The following COL15A1 variants were observed in gnomAD, a reference collection of about 807,000 sequenced individuals.
COL15A1 encodes collagen alpha-1(XV) chain.
In COL15A1, 111 loss-of-function variants were observed where a neutral mutation model predicts 165.9. The ratio of observed to expected loss-of-function variants is 0.67; its 90% CI spans 0.57 to 0.78. COL15A1 has a LOEUF of 0.78. COL15A1 is among the 30% of genes least tolerant of loss of function. The pLI is 0.00. For missense variants in COL15A1, 1,745 were observed against 1,789.7 expected (o/e 0.98, Z 0.45); for synonymous variants, 659 against 674.8 (o/e 0.98, Z 0.36).
chr9:99,013,395 C>T (rs1838876773), intron 9 of COL15A1, among the ~76,000 whole-genome samples: 1 of 152,132 alleles, frequency 6.6e-6, no homozygotes, highest in South Asian at 2.1e-4. Flanking sequence ...AACTCATTCT[C>T]CCATTTATCT....
Position 99,040,523 on chromosome 9 carries a change from G to T in COL15A1, c.2478G>T (p.Gly826=). The change falls in exon 23 of 42, where the codon GGG becomes GGT. Residue 826 remains glycine (G), a splice_region_variant and synonymous_variant. Transcript: ENST00000375001. ...GCTCTATCTTTGGTGTGTCACAGGG[G>T]CCGGACGGGTTGCCTGGGCTGCCAG... ...SDIPELVGPP[G]PDGLPGLPGF... The T allele has an allele frequency of 6.2e-7, 1 of 1,614,172 alleles. No individual in the cohort carries two copies. Among genetic ancestry groups the T allele is most frequent in the Non-Finnish European group, 8.5e-7 (1 of 1,180,026 alleles).
At chr9:99,030,599 G>A (rs1441562957) in intron 16 of COL15A1, among the ~76,000 whole-genome samples, 1 of 152,160 alleles carries the variant, frequency 6.6e-6, no homozygotes. Flanking sequence ...ATAAACCAAG[G>A]CCCATGATAT....
Position 98,947,211 on chromosome 9 carries a change from C to T in COL15A1, c.100+2961C>T, listed in dbSNP as rs890024543. Among the ~76,000 whole-genome samples the T allele has an allele frequency of 2.6e-5, 4 of 152,096 alleles. No individual in the cohort carries two copies. In the East Asian group the frequency reaches 5.8e-4, roughly 22 times the overall value. ...ATCCATTTAATGGAATACTACTCAGCAATAAAAAGGAATGAAGTATTGATC... is the reference window on the plus strand; with the variant it reads ...ATCCATTTAATGGAATACTACTCAGTAATAAAAAGGAATGAAGTATTGATC... On this transcript the variant is annotated intron_variant, in intron 2 of 41. Coordinates refer to ENST00000375001, the MANE Select transcript of COL15A1 (RefSeq NM_001855.5).
chr9:98,962,072 C>T (rs1227588908), intron 2 of COL15A1, among the ~76,000 whole-genome samples: 4 of 152,264 alleles, frequency 2.6e-5, no homozygotes, highest in Non-Finnish European at 5.9e-5. Context: ...AAAGCTTCCT[C>T]CCGTCTATAC....
rs67974914 is a variant in COL15A1, at chr9:98,989,023, GACACACACAC to G, written c.724-122_724-113del. Among the ~76,000 whole-genome samples the G allele has an allele frequency of 1.3e-3, 190 of 144,392 alleles. 3 individuals are homozygous for G. The highest frequency in any genetic ancestry group is 3.7e-3 in the East Asian group (18 of 4,852). The allele number at this position is 144,392 out of a possible 152,430, so 94.7% of individuals were successfully genotyped here. Reference sequence around the variant, plus strand: ...CCTTAACCCCACTCCGTCTCTCATAGACACACACACACACACACACACACACACACACACA... The same window carrying G: ...CCTTAACCCCACTCCGTCTCTCATAGACACACACACACACACACACACACA... On this transcript the variant is annotated intron_variant, in intron 4 of 41. Transcript: ENST00000375001.
intron 24 of COL15A1, among the ~76,000 whole-genome samples, chr9:99,042,418 T>C (rs1839423359): frequency 1.3e-5 from 2 of 152,188 alleles, no homozygotes; most frequent in African/African-American, 4.8e-5. Flanking sequence ...AGGTACGAAG[T>C]GGGTAGTGAA....
intron 5 of COL15A1, among the ~76,000 whole-genome samples, chr9:98,991,188 C>G (rs1426722305): frequency 2.0e-5 from 3 of 152,226 alleles, no homozygotes; most frequent in African/African-American, 7.2e-5. Context: ...AACAAAGCTT[C>G]CACAATGGGA....
rs765280301 is a variant in COL15A1, at chr9:99,036,359, C to T, written c.2372C>T (p.Pro791Leu). The T allele has an allele frequency of 1.7e-5, 27 of 1,613,994 alleles. No homozygotes were observed. Among genetic ancestry groups the T allele is most frequent in the South Asian group, 4.4e-5 (4 of 91,084 alleles). ...DGASIVGPPG[P>L]RGPPGHIKVL... ...GCCAGTATTGTGGGACCCCCTGGGC[C>T]GAGAGGGCCACCTGGGCACATCAAG... The change falls in exon 21 of 42, where the codon CCG becomes CTG. Residue 791 changes from proline (P) to leucine (L), a missense_variant. Coordinates refer to ENST00000375001, the MANE Select transcript of COL15A1 (RefSeq NM_001855.5).
At chr9:99,022,826 C>T (rs1014435244) in intron 13 of COL15A1, among the ~76,000 whole-genome samples, 2 of 152,220 alleles carry the variant, frequency 1.3e-5, no homozygotes, top group African/African-American at 2.4e-5. Flanking sequence ...TCTTCAGATA[C>T]ATTTGATGCC....
chr9:98,957,827 C>T (rs1235133202), intron 2 of COL15A1, among the ~76,000 whole-genome samples: 4 of 152,140 alleles, frequency 2.6e-5, no homozygotes, highest in Admixed American at 6.5e-5. Context: ...TGCAGGTGTG[C>T]GCCACCATGC....
At chr9:99,032,856 A>G (rs1839230382) in intron 16 of COL15A1, among the ~76,000 whole-genome samples, 2 of 152,112 alleles carry the variant, frequency 1.3e-5, no homozygotes, top group African/African-American at 2.4e-5. Flanking sequence ...TCTATTTATA[A>G]TTTCCAAGAT....
chr9:98,957,853 A>G (rs1485429296), intron 2 of COL15A1, among the ~76,000 whole-genome samples: 1 of 151,926 alleles, frequency 6.6e-6, no homozygotes, highest in African/African-American at 2.4e-5. Context: ...TAATTTTTCT[A>G]TCTTCTTTTT....
At position 98,949,253 on chromosome 9, in the gene COL15A1, T is replaced by C. The variant is rs145704265; in HGVS notation, c.100+5003T>C. ...ATTGCCATTGCTGTATAATAGTCCA[T>C]TGCATTAGCATAGCATATGTTACTT... On this transcript the variant is annotated intron_variant, in intron 2 of 41. Transcript: ENST00000375001. 3.4e-3 allele frequency among the ~76,000 whole-genome samples: 516 copies of C among 152,390 alleles called. 2 individuals carry two copies. The highest frequency in any genetic ancestry group is 0.012 in the African/African-American group (480 of 41,596).
At chr9:98,981,649 C>G (rs1178087079) in intron 2 of COL15A1, among the ~76,000 whole-genome samples, 4 of 152,182 alleles carry the variant, frequency 2.6e-5, no homozygotes, top group Non-Finnish European at 5.9e-5. Flanking sequence ...AGTGGACATA[C>G]AAATGCGTGG....
intron 11 of COL15A1, among the ~76,000 whole-genome samples, chr9:99,018,907 T>C (rs1014626212): frequency 5.9e-5 from 9 of 152,160 alleles, no homozygotes. Context: ...TACATTGTGG[T>C]TTAATACATT....
chr9:99,042,225 A>G, intron 24 of COL15A1, 118 bp downstream of exon 24: 1 of 716,752 alleles, frequency 1.4e-6, no homozygotes, highest in Non-Finnish European at 2.4e-6. Flanking sequence ...ACATGCCATA[A>G]AATTCACCCC....
intron 16 of COL15A1, among the ~76,000 whole-genome samples, chr9:99,029,795 G>A (rs902361304): frequency 1.3e-5 from 2 of 151,966 alleles, no homozygotes; most frequent in African/African-American, 4.8e-5. Context: ...CATGGTGGTG[G>A]GCACCTGTAA....
At chr9:99,067,165 C>T in intron 40 of COL15A1, 98 bp downstream of exon 40, 3 of 1,032,688 alleles carry the variant, frequency 2.9e-6, no homozygotes, top group African/African-American at 1.6e-5. Context: ...AGACTGTTGA[C>T]TTAAGCCTGC....
chr9:99,055,027 T>G, intron 32 of COL15A1, 75 bp from the exon 33 acceptor site: 3 of 1,260,144 alleles, frequency 2.4e-6, no homozygotes, highest in Non-Finnish European at 3.5e-6. Flanking sequence ...GTAACTGTGG[T>G]TGCCAACTTA....
Sources: allele counts gnomAD v4.1 joint callset (sites outside exome capture counted in the v4.1 genomes callset), GRCh38; gene constraint gnomAD v4.1.1; transcripts MANE v1.5; gene names NCBI Gene and HGNC (gene_info 2026-07-23, HGNC 2026-07-21).